ZRANB3: variants seen among roughly 807,000 people sequenced by gnomAD.
ZRANB3 encodes the protein zinc finger RANBP2-type containing 3, also known as DNA annealing helicase and endonuclease ZRANB3.
Under a neutral mutation model 133.8 loss-of-function variants are expected in ZRANB3, and 125 were observed. The ratio of observed to expected loss-of-function variants is 0.93; its 90% CI spans 0.81 to 1.08. The LOEUF (loss-of-function observed/expected upper bound fraction) is 1.08, where lower values mean the gene tolerates loss of function less well. ZRANB3 is among the 50% of genes least tolerant of loss of function. The pLI is 0.00. For missense variants in ZRANB3, 1,229 were observed against 1,275.5 expected (o/e 0.96, Z 0.56); for synonymous variants, 387 against 432.7 (o/e 0.89, Z 1.31).
In ZRANB3 at chr2:135,217,341, A is replaced by C. The variant is rs189262496; in HGVS notation, c.2495+124T>G. The C allele has an allele frequency of 7.7e-4, 690 of 900,220 alleles. 4 individuals carry two copies. In the African/African-American group the frequency reaches 0.01, roughly 14 times the overall value. 55.8% of individuals were successfully genotyped at this position (900,220 alleles called of 1,614,324 possible). On this transcript the variant is annotated intron_variant, in intron 17 of 20. Coordinates refer to ENST00000264159, the MANE Select transcript of ZRANB3 (RefSeq NM_032143.4). Reference sequence around the variant, plus strand: ...TATGAAACAATATGGCTGTGATTTTATGCATAATTTTCTCATAACTCATCA... The same window carrying C: ...TATGAAACAATATGGCTGTGATTTTCTGCATAATTTTCTCATAACTCATCA...
chr2:135,484,070 GA>G (rs1169614344), intron 2 of ZRANB3, among the ~76,000 whole-genome samples: 6 of 152,070 alleles, frequency 3.9e-5, no homozygotes, highest in Admixed American at 3.9e-4. Flanking sequence ...GTGTGGTGCT[GA>G]AAAAAATGTA....
intron 2 of ZRANB3, among the ~76,000 whole-genome samples, chr2:135,474,725 C>A (rs534678695): frequency 6.6e-6 from 1 of 152,190 alleles, no homozygotes; most frequent in South Asian, 2.1e-4. Context: ...TCATTTATAG[C>A]AATACTACAA....
intron 2 of ZRANB3, among the ~76,000 whole-genome samples, chr2:135,401,903 A>G (rs1330136090): frequency 6.6e-6 from 1 of 152,238 alleles, no homozygotes; most frequent in Non-Finnish European, 1.5e-5. Context: ...ACATGAGGCT[A>G]TTAGTTTTGG....
chr2:135,329,671 T>C (rs914223088), intron 6 of ZRANB3, among the ~76,000 whole-genome samples: 1 of 152,220 alleles, frequency 6.6e-6, no homozygotes, highest in Non-Finnish European at 1.5e-5. Context: ...TTTCATGATA[T>C]TGATTCTTCC....
chr2:135,297,231 C>T (rs1051117841), intron 8 of ZRANB3, among the ~76,000 whole-genome samples: 6 of 152,208 alleles, frequency 3.9e-5, no homozygotes, highest in Admixed American at 1.3e-4. Context: ...CCACCGAGTT[C>T]GAGCTTCCCG....
intron 2 of ZRANB3, among the ~76,000 whole-genome samples, chr2:135,427,099 G>A (rs1689128803): frequency 6.6e-6 from 1 of 151,096 alleles, no homozygotes. Context: ...CAAACCCACA[G>A]CCAACATCAT....
chr2:135,310,410 T>C (rs1199866670), intron 8 of ZRANB3, among the ~76,000 whole-genome samples: 1 of 152,128 alleles, frequency 6.6e-6, no homozygotes, highest in Non-Finnish European at 1.5e-5. Flanking sequence ...TGTGTTTTGA[T>C]GAGTGTTGTA....
rs373922685 is a variant in ZRANB3, at chr2:135,230,743, G to C, written c.1724C>G (p.Thr575Arg). 4.3e-6 allele frequency: 7 copies of C among 1,613,536 alleles called. No individual in the cohort carries two copies. In the South Asian group the frequency reaches 5.5e-5, roughly 13 times the overall value. Residue 575 changes from threonine (T) to arginine (R), a missense_variant, in exon 13 of 21, where the codon ACG becomes AGG. By Grantham distance (71) the Thr-to-Arg change is moderately conservative. Transcript: ENST00000264159. Reference protein sequence around the residue: ...IDYESDVEPETKRLKLAASED... With the variant: ...IDYESDVEPERKRLKLAASED... The stretch of plus-strand genomic sequence containing the variant: ...CGAGGCAGCCAATTTCAATCTTTTC[G>C]TTTCAGGTTCAACATCACTTTCATA...
chr2:135,380,523 A>G (rs1393329924), intron 3 of ZRANB3, among the ~76,000 whole-genome samples: 2 of 152,162 alleles, frequency 1.3e-5, no homozygotes, highest in Non-Finnish European at 2.9e-5. Flanking sequence ...TCAAAACTTC[A>G]CAACTACATG....
intron 2 of ZRANB3, among the ~76,000 whole-genome samples, chr2:135,458,961 A>T (rs1235580149): frequency 1.3e-5 from 2 of 152,148 alleles, no homozygotes; most frequent in Non-Finnish European, 2.9e-5. Context: ...CCTAACTAAT[A>T]TTCAAACTAA....
rs746379893 is a variant in ZRANB3 at position 135,243,996 on chromosome 2, A to ATATT, written c.1540-13070_1540-13069insAATA. Among the ~76,000 whole-genome samples the ATATT allele has an allele frequency of 4.0e-5, 6 of 151,632 alleles. No homozygotes were observed. In the South Asian group the frequency reaches 1.3e-3, roughly 32 times the overall value. On this transcript the variant is annotated intron_variant, in intron 12 of 20. Coordinates refer to ENST00000264159, the MANE Select transcript of ZRANB3 (RefSeq NM_032143.4). ...TAGCTATATATATAAAATATATAATAGTCCACTATCATCTACACTGAATAA... is the reference window on the plus strand; with the variant it reads ...TAGCTATATATATAAAATATATAATATATTGTCCACTATCATCTACACTGAATAA...
intron 1 of ZRANB3, chr2:135,511,834 T>C (rs1378547144): frequency 3.9e-6 from 3 of 761,982 alleles, no homozygotes; most frequent in Non-Finnish European, 4.9e-6. Flanking sequence ...ATAAGAAGAG[T>C]TCCTTCCATA....
At chr2:135,469,928 C>T (rs547084848) in intron 2 of ZRANB3, among the ~76,000 whole-genome samples, 20 of 150,028 alleles carry the variant, frequency 1.3e-4, no homozygotes, top group Admixed American at 9.3e-4. Context: ...AGGGGAATGG[C>T]GTGAACCCGG....
chr2:135,286,049 A>T (rs1024245537), intron 8 of ZRANB3, among the ~76,000 whole-genome samples: 2 of 152,206 alleles, frequency 1.3e-5, no homozygotes, highest in African/African-American at 2.4e-5. Context: ...TCATTATTTT[A>T]AAAAATGTTC....
chr2:135,320,557 T>C (rs1683475107), intron 6 of ZRANB3, among the ~76,000 whole-genome samples: 1 of 152,206 alleles, frequency 6.6e-6, no homozygotes, highest in African/African-American at 2.4e-5. Context: ...CTTTTCTAAA[T>C]TGAAAGAATA....
intron 3 of ZRANB3, among the ~76,000 whole-genome samples, chr2:135,381,105 G>T (rs1194904105): frequency 6.6e-6 from 1 of 152,166 alleles, no homozygotes; most frequent in Non-Finnish European, 1.5e-5. Flanking sequence ...TCCTAGCCAA[G>T]GGAAGGGGGT....
chr2:135,229,454 G>A (rs113440819), intron 13 of ZRANB3, among the ~76,000 whole-genome samples: 9,136 of 147,688 alleles, frequency 0.062, 553 homozygotes, highest in African/African-American at 0.16. Flanking sequence ...TGCAAGCTCC[G>A]CCTCCCGGGT....
rs181062541 is a variant in ZRANB3, at chr2:135,319,931, A to G, written c.678-4401T>C. On this transcript the variant is annotated intron_variant, in intron 6 of 20. Coordinates refer to ENST00000264159, the MANE Select transcript of ZRANB3 (RefSeq NM_032143.4). ...TGAAAAGAGATCTTTTAATATATTG[A>G]AAGTGTCTACTTCTATAAATTTGAC... Among the ~76,000 whole-genome samples, 26 of 152,324 alleles carry G rather than the reference A, an allele frequency of 1.7e-4. No homozygotes were observed. In the East Asian group the frequency reaches 5.0e-3, roughly 29 times the overall value.
intron 10 of ZRANB3, among the ~76,000 whole-genome samples, chr2:135,269,819 T>G (rs1273047576): frequency 6.6e-6 from 1 of 152,146 alleles, no homozygotes; most frequent in Non-Finnish European, 1.5e-5. Flanking sequence ...ATGACTTTAA[T>G]GTTGGTAGGC....
Sources: gnomAD v4.1 joint callset for allele counts (sites outside exome capture counted in the v4.1 genomes callset) on GRCh38, gnomAD v4.1.1 for gene constraint, MANE v1.5 for transcripts, NCBI Gene and HGNC (gene_info 2026-07-23, HGNC 2026-07-21) for gene names.